SGMS1: variants seen among roughly 807,000 people sequenced by gnomAD.
SGMS1 encodes sphingomyelin synthase 1.
Under a neutral mutation model 46.2 loss-of-function variants are expected in SGMS1, and 13 were observed. The observed-to-expected ratio is 0.28, with a 90% CI of 0.18 to 0.45. SGMS1 has a LOEUF of 0.45. Among genes scored for constraint, SGMS1 ranks in the 20% least tolerant of loss-of-function variants. SGMS1 has a pLI of 1.00. For missense variants in SGMS1, 324 were observed against 519.9 expected (o/e 0.62, Z 3.66); for synonymous variants, 203 against 187.8 (o/e 1.08, Z -0.66).
intron 2 of SGMS1, among the ~76,000 whole-genome samples, chr10:50,522,766 G>A (rs983586502): frequency 2.0e-5 from 3 of 152,034 alleles, no homozygotes; most frequent in Non-Finnish European, 4.4e-5. Context: ...CGGTAGAATG[G>A]CTAAGGTATT....
At chr10:50,469,483 T>G (rs897028736) in intron 3 of SGMS1, among the ~76,000 whole-genome samples, 5 of 152,130 alleles carry the variant, frequency 3.3e-5, no homozygotes, top group African/African-American at 9.7e-5. Context: ...GAAGATACAA[T>G]GCAAAAAGTT....
rs565394847 is a variant in SGMS1, at chr10:50,496,851, T to C, written c.-498+22980A>G. 2.0e-5 allele frequency among the ~76,000 whole-genome samples: 3 copies of C among 152,324 alleles called. No homozygotes were observed. The South Asian group carries it at 6.2e-4, about 32-fold the overall frequency. ...GTGCCAGTAATGTCACCCATCTATA[T>C]AGCTCACAGAGCTACAGTAAGGATA... is the stretch of plus-strand genomic sequence containing the variant. On this transcript the variant is annotated intron_variant, in intron 3 of 10. Coordinates refer to ENST00000361781, the MANE Select transcript of SGMS1 (RefSeq NM_147156.4).
At chr10:50,542,678 T>C (rs958858405) in intron 2 of SGMS1, among the ~76,000 whole-genome samples, 4 of 148,926 alleles carry the variant, frequency 2.7e-5, no homozygotes, top group African/African-American at 4.9e-5. Flanking sequence ...AATGCACTTA[T>C]AGAGAGAGGG....
At chr10:50,358,387 A>G (rs931659631) in intron 6 of SGMS1, among the ~76,000 whole-genome samples, 2 of 152,214 alleles carry the variant, frequency 1.3e-5, no homozygotes, top group African/African-American at 2.4e-5. Context: ...GTTCAGATAA[A>G]AGTTTTTACA....
intron 2 of SGMS1, among the ~76,000 whole-genome samples, chr10:50,544,307 A>G (rs1487360111): frequency 1.3e-5 from 2 of 152,232 alleles, no homozygotes; most frequent in East Asian, 1.9e-4. Context: ...TCACACAGGG[A>G]GACACGGAGG....
chr10:50,388,496 T>G (rs777214852), intron 6 of SGMS1, among the ~76,000 whole-genome samples: 1 of 142,086 alleles, frequency 7.0e-6, no homozygotes, highest in Admixed American at 7.0e-5. Flanking sequence ...AAAAAAAAAA[T>G]TTGCCAGGCA....
intron 9 of SGMS1, 60 bp from the exon 10 acceptor site, chr10:50,308,208 CTAT>C: frequency 6.8e-7 from 1 of 1,471,492 alleles, no homozygotes; most frequent in Non-Finnish European, 9.3e-7. Flanking sequence ...GGGCACCCAA[CTAT>C]GCCTCTACTA....
chr10:50,512,667 C>A (rs1279791830), intron 3 of SGMS1, among the ~76,000 whole-genome samples: 1 of 152,154 alleles, frequency 6.6e-6, no homozygotes, highest in Non-Finnish European at 1.5e-5. Flanking sequence ...CTGTTCTTGG[C>A]CCTGCATTAA....
chr10:50,507,529 C>T (rs987650206), intron 3 of SGMS1, among the ~76,000 whole-genome samples: 1 of 152,246 alleles, frequency 6.6e-6, no homozygotes, highest in Non-Finnish European at 1.5e-5. Flanking sequence ...CATGATCACA[C>T]TCTGTACCTA....
At chr10:50,536,894 G>A (rs546122097) in intron 2 of SGMS1, among the ~76,000 whole-genome samples, 5 of 152,178 alleles carry the variant, frequency 3.3e-5, no homozygotes, top group African/African-American at 1.2e-4. Context: ...ACATCATCTG[G>A]GTTGCTTCCA....
At chr10:50,504,226 C>T (rs1009119358) in intron 3 of SGMS1, among the ~76,000 whole-genome samples, 2 of 152,158 alleles carry the variant, frequency 1.3e-5, no homozygotes, top group Admixed American at 6.5e-5. Context: ...TCACTAGGCT[C>T]CCAGGCCCCT....
chr10:50,381,514 T>C (rs531817299), intron 6 of SGMS1, among the ~76,000 whole-genome samples: 4 of 152,326 alleles, frequency 2.6e-5, no homozygotes, highest in African/African-American at 7.2e-5. Flanking sequence ...TATTCAGTTT[T>C]CTTTAGATCC....
chr10:50,494,179 G>A (rs1398433434), intron 3 of SGMS1, among the ~76,000 whole-genome samples: 3 of 152,200 alleles, frequency 2.0e-5, no homozygotes, highest in South Asian at 2.1e-4. Context: ...CACTGTTGGT[G>A]GGAGTGTAAA....
At chr10:50,494,082 C>T (rs186352610) in intron 3 of SGMS1, among the ~76,000 whole-genome samples, 45 of 152,336 alleles carry the variant, frequency 3.0e-4, no homozygotes, top group African/African-American at 9.1e-4. Context: ...CAGGCATGAG[C>T]GCCTGGCACC....
chr10:50,355,963 G>A (rs1008140855), intron 6 of SGMS1, among the ~76,000 whole-genome samples: 1 of 150,898 alleles, frequency 6.6e-6, no homozygotes, highest in Non-Finnish European at 1.5e-5. Flanking sequence ...CTGACCGGCC[G>A]CCCCGTCTGA....
At chr10:50,430,474 A>AAC (rs1373783318) in intron 6 of SGMS1, among the ~76,000 whole-genome samples, 2 of 152,018 alleles carry the variant, frequency 1.3e-5, no homozygotes, top group East Asian at 3.9e-4. Context: ...AGAATACAAA[A>AAC]AAAAAAAAAA....
intron 2 of SGMS1, among the ~76,000 whole-genome samples, chr10:50,521,089 C>T (rs1023785047): frequency 3.3e-5 from 5 of 151,782 alleles, no homozygotes; most frequent in Admixed American, 1.3e-4. Context: ...TGCTGGGTCT[C>T]GAAATCTTGG....
chr10:50,388,511 G>T (rs1437824110), intron 6 of SGMS1, among the ~76,000 whole-genome samples: 1 of 151,016 alleles, frequency 6.6e-6, no homozygotes, highest in Non-Finnish European at 1.5e-5. Context: ...CAGGCATGAT[G>T]GTGGGTGCCT....
At chr10:50,623,560 G>A (rs1838878434) in intron 1 of SGMS1, 147 bp downstream of exon 1, 5 of 983,696 alleles carry the variant, frequency 5.1e-6, no homozygotes, top group Non-Finnish European at 6.0e-6. Context: ...AGGTACGCGC[G>A]CGGCACCGCG....
Sources: gnomAD v4.1 joint callset for allele counts (sites outside exome capture counted in the v4.1 genomes callset) on GRCh38, gnomAD v4.1.1 for gene constraint, MANE v1.5 for transcripts, NCBI Gene and HGNC (gene_info 2026-07-23, HGNC 2026-07-21) for gene names.